The following NOL8 variants were observed in gnomAD, a reference collection of about 807,000 sequenced individuals.
NOL8 encodes nucleolar protein Nop132.
In NOL8, 93 loss-of-function variants were observed where a neutral mutation model predicts 116.1. That is an observed-to-expected ratio of 0.80 (90% CI 0.68 to 0.95). NOL8 has a LOEUF of 0.95. NOL8 is among the 40% of genes least tolerant of loss of function. The probability of loss-of-function intolerance (pLI) is 0.00; values close to 1 mark genes in which losing one functional copy is unlikely to be tolerated. For synonymous variants in NOL8, 419 were observed against 469.0 expected (o/e 0.89, Z 1.38); for missense variants, 1,291 against 1,382.8 (o/e 0.93, Z 1.05).
intron 7 of NOL8, 129 bp from the exon 8 acceptor site, chr9:92,311,388 A>T: frequency 1.7e-6 from 1 of 603,044 alleles, no homozygotes; most frequent in South Asian, 2.1e-5. Flanking sequence ...ACAGCAAAAG[A>T]AAAACTTATC....
At chr9:92,322,635 CATTTA>C (rs1224191898) in intron 3 of NOL8, among the ~76,000 whole-genome samples, 1 of 152,152 alleles carries the variant, frequency 6.6e-6, no homozygotes, top group Non-Finnish European at 1.5e-5. Context: ...GCAAATGTAT[CATTTA>C]ATTTAATTCT....
chr9:92,323,419 A>G (rs748613021), intron 3 of NOL8, 22 bp downstream of exon 3: 1 of 1,587,632 alleles, frequency 6.3e-7, no homozygotes, highest in Non-Finnish European at 8.6e-7. Context: ...CAAACAGTAT[A>G]GAAAATATAT....
chr9:92,314,963 G>A lies in NOL8; in HGVS notation c.1662C>T (p.Asn554=). 1 of 1,613,986 alleles carries A rather than the reference G, an allele frequency of 6.2e-7. No homozygotes were observed. The highest frequency in any genetic ancestry group is 8.5e-7 in the Non-Finnish European group (1 of 1,179,892). The part of the protein sequence containing the change: ...IVASLLEGEE[N]TCGKQKPKEN... ...CCTTTGGTTTCTGTTTGCCACAGGT[G>A]TTCTCCTCTCCTTCTAACAGGGAAG... Residue 554 remains asparagine (N), a synonymous_variant, in exon 7 of 17, where the codon AAC becomes AAT. Transcript: ENST00000442668.
At chr9:92,321,460 T>C (rs1839916584) in intron 4 of NOL8, among the ~76,000 whole-genome samples, 1 of 152,248 alleles carries the variant, frequency 6.6e-6, no homozygotes, top group Admixed American at 6.5e-5. Context: ...TTTTATAGCT[T>C]ATTACATACA....
chr9:92,319,268 C>T lies in NOL8; in HGVS notation c.370G>A (p.Asp124Asn), dbSNP rs1337947738. 6.3e-7 allele frequency: 1 copy of T among 1,591,766 alleles called. No homozygotes were observed. Among genetic ancestry groups the T allele is most frequent in the Non-Finnish European group, 8.5e-7 (1 of 1,171,410 alleles). The change falls in exon 5 of 17, where the codon GAT (aspartate) becomes AAT (asparagine). Residue 124 changes from aspartate (D) to asparagine (N), a missense_variant. Coordinates refer to ENST00000442668, the MANE Select transcript of NOL8 (RefSeq NM_017948.6). ...ANLLEKTGGV[D>N]FHMKAVPGTE... ...CCTGGCACAGCTTTCATATGGAAAT[C>T]CACTCCTCCTGTCTTTTCTAACAAG...
In NOL8 at chr9:92,299,915, T is replaced by C; in HGVS notation, c.3277A>G (p.Thr1093Ala). 1 of 1,613,574 alleles carries C rather than the reference T, an allele frequency of 6.2e-7. No individual in the cohort carries two copies. Among genetic ancestry groups the C allele is most frequent in the Non-Finnish European group, 8.5e-7 (1 of 1,179,624 alleles). The change falls in exon 14 of 17, where the codon ACA becomes GCA. Residue 1093 changes from threonine to alanine, a missense_variant. Thr to Ala is a moderately conservative substitution (Grantham distance 58). Transcript: ENST00000442668. ...SSEEEDVTEE[T>A]DHRNSSPGEA... is the part of the protein sequence containing the mutation. ...CCAGGACTGGAGTTTCTGTGATCTG[T>C]TTCTTCAGTAACATCTTCCTCTTCT...
At chr9:92,314,157 CT>C in intron 7 of NOL8, 109 bp downstream of exon 7, 1 of 1,358,584 alleles carries the variant, frequency 7.4e-7, no homozygotes. Flanking sequence ...AAACATGAAA[CT>C]GGTGAACACC....
intron 8 of NOL8, 60 bp downstream of exon 8, chr9:92,311,086 T>A (rs1277428904): frequency 1.5e-5 from 20 of 1,325,496 alleles, no homozygotes; most frequent in Non-Finnish European, 2.1e-5. Context: ...TTGCCAGTTG[T>A]TTGTGGTGTG....
At chr9:92,313,638 C>T (rs745581587) in intron 7 of NOL8, among the ~76,000 whole-genome samples, 1 of 152,216 alleles carries the variant, frequency 6.6e-6, no homozygotes, top group East Asian at 1.9e-4. Context: ...AAAACATTCA[C>T]CCTTGTATAA....
chr9:92,318,812 C>A, intron 5 of NOL8, 126 bp from the exon 6 acceptor site: 35 of 592,588 alleles, frequency 5.9e-5, no homozygotes, highest in South Asian at 1.3e-4. Flanking sequence ...AGTTTTCTGA[C>A]AATGAAATAA....
intron 10 of NOL8, 151 bp downstream of exon 10, chr9:92,310,020 C>CT: frequency 1.7e-6 from 1 of 582,350 alleles, no homozygotes; most frequent in Non-Finnish European, 3.0e-6. Flanking sequence ...TACAAACAAA[C>CT]TTAGTATTAA....
At chr9:92,299,179 A>G (rs1255645410) in intron 14 of NOL8, among the ~76,000 whole-genome samples, 1 of 152,116 alleles carries the variant, frequency 6.6e-6, no homozygotes, top group East Asian at 1.9e-4. Context: ...ACATTCTTCT[A>G]TCTGAAGCTT....
intron 7 of NOL8, among the ~76,000 whole-genome samples, chr9:92,312,845 A>AG (rs1838962096): frequency 1.3e-5 from 2 of 148,798 alleles, no homozygotes; most frequent in African/African-American, 2.5e-5. Flanking sequence ...AAAAAAAAAA[A>AG]AAAGAAAAGA....
intron 14 of NOL8, 99 bp downstream of exon 14, chr9:92,299,791 T>C (rs1482125691): frequency 8.0e-7 from 1 of 1,256,322 alleles, no homozygotes; most frequent in East Asian, 2.4e-5. Context: ...CTAAGACAAT[T>C]TAGTTGTCAT....
In NOL8 at chr9:92,320,630, G is replaced by C. The variant is rs150296463; in HGVS notation, c.281+1038C>G. Reference sequence around the variant, plus strand: ...TTTCCTTTTTTTTTGTTTGAGACAAGAGTTTCACTCCTGTTGCCCAGGCTG... The same window carrying C: ...TTTCCTTTTTTTTTGTTTGAGACAACAGTTTCACTCCTGTTGCCCAGGCTG... On this transcript the variant is annotated intron_variant, in intron 4 of 16. Coordinates refer to ENST00000442668, the MANE Select transcript of NOL8 (RefSeq NM_017948.6). Among the ~76,000 whole-genome samples, 635 of 149,596 alleles carry C rather than the reference G, an allele frequency of 4.2e-3. 6 individuals are homozygous for C. Among genetic ancestry groups the C allele is most frequent in the African/African-American group, 0.015 (614 of 40,686 alleles).
chr9:92,323,440 C>T lies in NOL8; in HGVS notation c.202+1G>A, dbSNP rs1840092564. The stretch of plus-strand genomic sequence containing the variant: ...GTATAGAAAATATATGATGATCTTA[C>T]ATTTTTTCAGGTCCGCTTCTGCTAC... On this transcript the variant is annotated splice_donor_variant, in intron 3 of 16. Transcript: ENST00000442668. LOFTEE classifies it high-confidence loss of function. 1.2e-6 allele frequency: 2 copies of T among 1,600,982 alleles called. No homozygotes were observed. The highest frequency in any genetic ancestry group is 2.7e-5 in the African/African-American group (2 of 74,764).
intron 10 of NOL8, 100 bp from the exon 11 acceptor site, chr9:92,307,124 A>G (rs1838340247): frequency 8.1e-7 from 1 of 1,227,034 alleles, no homozygotes; most frequent in Non-Finnish European, 1.1e-6. Flanking sequence ...TTCAAAATCC[A>G]TTAAGACAGG....
intron 12 of NOL8, among the ~76,000 whole-genome samples, chr9:92,302,459 C>G (rs751578811): frequency 1.3e-5 from 2 of 152,116 alleles, no homozygotes; most frequent in Non-Finnish European, 2.9e-5. Context: ...TAATGTACTA[C>G]GTAAAATAAT....
chr9:92,314,339 C>T lies in NOL8; in HGVS notation c.2286G>A (p.Leu762=), dbSNP rs1839148952. ...DKHAEDNEKR[L]AALEARQKAK... ...CTTTTTGCCTCGCTTCCAAGGCTGC[C>T]AAACGCTTCTCATTGTCTTCAGCAT... Residue 762 remains leucine (L), a synonymous_variant, in exon 7 of 17, where the codon TTG becomes TTA. Transcript: ENST00000442668. 1 of 1,610,362 alleles carries T rather than the reference C, an allele frequency of 6.2e-7. No individual in the cohort carries two copies. The highest frequency in any genetic ancestry group is 1.3e-5 in the African/African-American group (1 of 74,872).
Sources: allele counts gnomAD v4.1 joint callset (sites outside exome capture counted in the v4.1 genomes callset), GRCh38; gene constraint gnomAD v4.1.1; transcripts MANE v1.5; gene names NCBI Gene and HGNC (gene_info 2026-07-23, HGNC 2026-07-21).